Variants in KATNAL2 observed in about 807,000 individuals in gnomAD.
The protein encoded by KATNAL2 is katanin p60 ATPase-containing subunit A-like 2.
Under a neutral mutation model 76.3 loss-of-function variants are expected in KATNAL2, and 52 were observed. The ratio of observed to expected loss-of-function variants is 0.68; its 90% CI spans 0.55 to 0.86. KATNAL2 has a LOEUF of 0.86. Ranked by LOEUF, KATNAL2 falls within the 40% of genes least tolerant of loss-of-function variation. The probability of loss-of-function intolerance (pLI) is 0.00; values close to 1 mark genes in which losing one functional copy is unlikely to be tolerated. For missense variants in KATNAL2, 660 were observed against 668.9 expected, an observed-to-expected ratio of 0.99 and a Z score of 0.15; for synonymous variants, 243 against 244.2, an observed-to-expected ratio of 1.00 and a Z score of 0.05.
intron 3 of KATNAL2, among the ~76,000 whole-genome samples, chr18:46,961,132 T>C (rs1317415839): frequency 1.3e-5 from 2 of 152,244 alleles, no homozygotes; most frequent in Non-Finnish European, 2.9e-5. Flanking sequence ...ACAAGTAGTT[T>C]AGGTCAGGGG....
At chr18:47,082,486 A>G (rs1288622552) in intron 15 of KATNAL2, among the ~76,000 whole-genome samples, 4 of 152,186 alleles carry the variant, frequency 2.6e-5, no homozygotes, top group African/African-American at 9.7e-5. Flanking sequence ...AATGTTTATT[A>G]AAAAAATAAA....
At chr18:47,054,273 G>T in intron 5 of KATNAL2, 123 bp from the exon 6 acceptor site, 1 of 819,828 alleles carries the variant, frequency 1.2e-6, no homozygotes, top group Admixed American at 2.1e-5. Context: ...AAAGTCTCTA[G>T]ATTCCAATTG....
chr18:46,932,720 G>T (rs2058969653), intron 1 of KATNAL2, among the ~76,000 whole-genome samples: 1 of 149,032 alleles, frequency 6.7e-6, no homozygotes, highest in Non-Finnish European at 1.5e-5. Context: ...CATTTCGCAA[G>T]GCTATTATAA....
intron 2 of KATNAL2, 34 bp downstream of exon 2, chr18:46,946,580 A>G (rs902699820): frequency 6.1e-6 from 6 of 985,170 alleles, no homozygotes; most frequent in Non-Finnish European, 7.2e-6. Flanking sequence ...TATTTTAGAA[A>G]CGAATTAAGA....
chr18:47,076,797 T>TTATATA (rs35925389), intron 14 of KATNAL2, among the ~76,000 whole-genome samples: 14 of 145,394 alleles, frequency 9.6e-5, no homozygotes, highest in East Asian at 4.0e-4. Context: ...AATAAATAAA[T>TTATATA]TATATATATA....
At chr18:46,925,882 A>G (rs2058712497) in intron 1 of KATNAL2, among the ~76,000 whole-genome samples, 1 of 152,038 alleles carries the variant, frequency 6.6e-6, no homozygotes, top group South Asian at 2.1e-4. Context: ...AGAGGTGTTT[A>G]TAGTATTCTC....
chr18:46,933,428 AAT>A (rs2146570980), intron 1 of KATNAL2, among the ~76,000 whole-genome samples: 1 of 152,290 alleles, frequency 6.6e-6, no homozygotes, highest in South Asian at 2.1e-4. Flanking sequence ...CTCCATATTT[AAT>A]ATGAGGCCCC....
intron 7 of KATNAL2, 69 bp from the exon 8 acceptor site, chr18:47,059,487 T>C: frequency 9.7e-7 from 1 of 1,032,106 alleles, no homozygotes; most frequent in South Asian, 1.3e-5. Flanking sequence ...CTTGATGGAG[T>C]AGGCAGGTAC....
intron 15 of KATNAL2, among the ~76,000 whole-genome samples, chr18:47,088,168 C>G (rs1488708116): frequency 6.6e-6 from 1 of 152,180 alleles, no homozygotes; most frequent in African/African-American, 2.4e-5. Flanking sequence ...GCAGGCTTGT[C>G]ATGGGGTGTT....
intron 3 of KATNAL2, among the ~76,000 whole-genome samples, chr18:46,948,431 T>C (rs2059447168): frequency 6.6e-6 from 1 of 151,220 alleles, no homozygotes; most frequent in Admixed American, 6.6e-5. Context: ...TTCTTCTTTT[T>C]TTTTTTTTTT....
intron 13 of KATNAL2, among the ~76,000 whole-genome samples, chr18:47,071,282 G>A (rs4986204): frequency 0.55 from 83,973 of 151,916 alleles, 23,291 homozygotes; most frequent in Middle Eastern, 0.59. Flanking sequence ...TTACAGGCAT[G>A]AGCCACCATG....
intron 8 of KATNAL2, among the ~76,000 whole-genome samples, chr18:47,061,387 C>G (rs1367667868): frequency 6.6e-6 from 1 of 152,116 alleles, no homozygotes; most frequent in Non-Finnish European, 1.5e-5. Context: ...ATGACCTGCT[C>G]TTATAAACAA....
At chr18:47,037,748 G>A (rs2060828356) in intron 3 of KATNAL2, among the ~76,000 whole-genome samples, 1 of 151,960 alleles carries the variant, frequency 6.6e-6, no homozygotes, top group Admixed American at 6.6e-5. Context: ...ACTGAATTCT[G>A]AATTTTTATC....
intron 1 of KATNAL2, among the ~76,000 whole-genome samples, chr18:46,930,433 C>G (rs886421487): frequency 5.9e-5 from 9 of 152,154 alleles, no homozygotes; most frequent in Non-Finnish European, 1.2e-4. Context: ...TTCAAGATAT[C>G]TTTTTGACAT....
At chr18:46,960,999 C>T (rs574008152) in intron 3 of KATNAL2, among the ~76,000 whole-genome samples, 18 of 152,230 alleles carry the variant, frequency 1.2e-4, no homozygotes, top group East Asian at 5.8e-4. Flanking sequence ...AAGGGGACCA[C>T]GTTAAAGGGT....
At chr18:47,033,937 G>A (rs998377733) in intron 3 of KATNAL2, 25 of 1,612,810 alleles carry the variant, frequency 1.6e-5, no homozygotes, top group Non-Finnish European at 2.1e-5. Context: ...AGCGCCGGCC[G>A]CCTGCAGCCT....
intron 3 of KATNAL2, among the ~76,000 whole-genome samples, chr18:47,044,766 A>C (rs1007051072): frequency 2.2e-4 from 27 of 121,856 alleles, no homozygotes; most frequent in South Asian, 1.4e-3. Context: ...CTTCTCAAAA[A>C]AAAAACAAAA....
chr18:47,069,031 G>A (rs1229677246), intron 11 of KATNAL2, among the ~76,000 whole-genome samples, 189 bp from the exon 12 acceptor site: 4 of 152,148 alleles, frequency 2.6e-5, no homozygotes, highest in Admixed American at 6.5e-5. Flanking sequence ...CTAATCAAGC[G>A]TGAAAATAAA....
chr18:46,952,392 TG>T (rs1227345222), intron 3 of KATNAL2, among the ~76,000 whole-genome samples: 7 of 123,458 alleles, frequency 5.7e-5, no homozygotes, highest in South Asian at 5.6e-4. Flanking sequence ...CCTGCAGGTA[TG>T]TTTTTTTTTT....
Sources: gnomAD v4.1 joint callset for allele counts (sites outside exome capture counted in the v4.1 genomes callset) on GRCh38, gnomAD v4.1.1 for gene constraint, MANE v1.5 for transcripts, NCBI Gene and HGNC (gene_info 2026-07-23, HGNC 2026-07-21) for gene names.